LINGO2: variants seen among roughly 807,000 people sequenced by gnomAD.
The protein encoded by LINGO2 is leucine rich repeat and Ig domain containing 2.
A neutral mutation model predicts 30.6 loss-of-function variants in LINGO2; 14 were observed. The observed-to-expected ratio is 0.46, with a 90% CI of 0.30 to 0.72. The LOEUF (loss-of-function observed/expected upper bound fraction) is 0.72. Ranked by LOEUF, LINGO2 falls within the 30% of genes least tolerant of loss-of-function variation. The pLI, the probability that LINGO2 is intolerant of heterozygous loss-of-function variation, is 0.07. For synonymous variants in LINGO2, 317 were observed against 288.5 expected (o/e 1.10, Z -1.00); for missense variants, 729 against 751.7 (o/e 0.97, Z 0.35).
At chr9:28,304,481 A>G (rs1300962513) in intron 3 of LINGO2, among the ~76,000 whole-genome samples, 3 of 151,928 alleles carry the variant, frequency 2.0e-5, no homozygotes, top group Non-Finnish European at 4.4e-5. Context: ...TATATCCCTG[A>G]AACCAACACT....
chr9:28,505,721 C>T (rs1210210913), intron 1 of LINGO2, among the ~76,000 whole-genome samples: 1 of 151,876 alleles, frequency 6.6e-6, no homozygotes, highest in Non-Finnish European at 1.5e-5. Flanking sequence ...GCATAACCTG[C>T]ATTTGTAAAC....
chr9:28,741,157 A>G, the LINGO2 span, among the ~76,000 whole-genome samples: 1 of 152,008 alleles, frequency 6.6e-6, no homozygotes, highest in Admixed American at 6.6e-5. Flanking sequence ...CCTAGAACTC[A>G]GGTCCACTGA....
intron 4 of LINGO2, among the ~76,000 whole-genome samples, chr9:28,222,794 ATTC>A (rs2133902293): frequency 6.6e-6 from 1 of 152,310 alleles, no homozygotes; most frequent in Non-Finnish European, 1.5e-5. Flanking sequence ...ACAGCTTTAT[ATTC>A]AAGTCATGCC....
At chr9:28,053,951 G>A (rs1824797182) in intron 4 of LINGO2, among the ~76,000 whole-genome samples, 1 of 151,972 alleles carries the variant, frequency 6.6e-6, no homozygotes, top group Admixed American at 6.6e-5. Flanking sequence ...GGGGTAAAAA[G>A]GAAGGCCAAG....
At chr9:28,988,915 T>A in the LINGO2 span, among the ~76,000 whole-genome samples, 2 of 152,236 alleles carry the variant, frequency 1.3e-5, no homozygotes, top group Non-Finnish European at 2.9e-5. Context: ...TTTTCAAAAC[T>A]ATGTTCTGGT....
At chr9:28,845,912 T>G in the LINGO2 span, among the ~76,000 whole-genome samples, 2 of 151,646 alleles carry the variant, frequency 1.3e-5, no homozygotes, top group African/African-American at 2.4e-5. Context: ...CCCATTGGTG[T>G]TCTCTAATTA....
At chr9:28,426,533 C>T (rs1823420223) in intron 2 of LINGO2, among the ~76,000 whole-genome samples, 1 of 152,038 alleles carries the variant, frequency 6.6e-6, no homozygotes, top group Non-Finnish European at 1.5e-5. Context: ...GCAATCAAAA[C>T]ATTGTTTGTT....
intron 4 of LINGO2, among the ~76,000 whole-genome samples, chr9:28,022,115 T>A (rs1404514988): frequency 6.6e-6 from 1 of 152,072 alleles, no homozygotes; most frequent in Non-Finnish European, 1.5e-5. Flanking sequence ...GGAATATCAG[T>A]TATACCTTAT....
At chr9:28,768,045 T>C in the LINGO2 span, among the ~76,000 whole-genome samples, 1 of 152,204 alleles carries the variant, frequency 6.6e-6, no homozygotes, top group South Asian at 2.1e-4. Flanking sequence ...GAAATAGTGG[T>C]ATTTTAATTG....
chr9:28,771,713 G>A, the LINGO2 span, among the ~76,000 whole-genome samples: 1 of 152,044 alleles, frequency 6.6e-6, no homozygotes, highest in Non-Finnish European at 1.5e-5. Flanking sequence ...CATTTAAAGT[G>A]ATGAGCAGCA....
At chr9:28,572,398 G>A (rs746816732) in intron 1 of LINGO2, among the ~76,000 whole-genome samples, 1 of 152,018 alleles carries the variant, frequency 6.6e-6, no homozygotes, top group Admixed American at 6.6e-5. Flanking sequence ...CATGTACAAA[G>A]TTACTCTTCC....
At chr9:28,285,398 ATTT>A (rs34034595) in intron 4 of LINGO2, among the ~76,000 whole-genome samples, 16 of 76,158 alleles carry the variant, frequency 2.1e-4, no homozygotes, top group African/African-American at 7.9e-4. Context: ...GCCCAAGATC[ATTT>A]TTTTTTTTTT....
chr9:28,057,424 A>C (rs184037231), intron 4 of LINGO2, among the ~76,000 whole-genome samples: 2 of 151,906 alleles, frequency 1.3e-5, no homozygotes, highest in African/African-American at 4.8e-5. Context: ...TTTGAGGATT[A>C]GTGTTCTATG....
chr9:28,647,424 C>A (rs2135957615), intron 1 of LINGO2, among the ~76,000 whole-genome samples: 1 of 152,108 alleles, frequency 6.6e-6, no homozygotes, highest in African/African-American at 2.4e-5. Flanking sequence ...ATTCGGTGAG[C>A]TTTTGTGAGT....
chr9:28,206,315 A>G (rs568585706), intron 4 of LINGO2, among the ~76,000 whole-genome samples: 2 of 152,258 alleles, frequency 1.3e-5, no homozygotes, highest in African/African-American at 2.4e-5. Flanking sequence ...ACATTTTCTT[A>G]GCACTCATCT....
chr9:27,971,005 T>G (rs1820326246), intron 5 of LINGO2, among the ~76,000 whole-genome samples: 1 of 151,582 alleles, frequency 6.6e-6, no homozygotes, highest in Non-Finnish European at 1.5e-5. Flanking sequence ...TCTATTTGTT[T>G]TGATACTTAA....
chr9:28,243,991 A>G (rs1375541893), intron 4 of LINGO2, among the ~76,000 whole-genome samples: 1 of 152,230 alleles, frequency 6.6e-6, no homozygotes, highest in African/African-American at 2.4e-5. Context: ...AAATATCTAT[A>G]GAACTCTCTA....
chr9:29,113,797 G>C, the LINGO2 span, among the ~76,000 whole-genome samples: 4 of 152,164 alleles, frequency 2.6e-5, no homozygotes, highest in Non-Finnish European at 4.4e-5. Flanking sequence ...TTCCCAAGCA[G>C]TGGTAGTGGT....
chr9:28,890,225 G>A, the LINGO2 span, among the ~76,000 whole-genome samples: 1 of 150,084 alleles, frequency 6.7e-6, no homozygotes, highest in East Asian at 2.0e-4. Context: ...GTTTTGTTTT[G>A]TTTTTGTGGG....
Sources: gnomAD v4.1 joint callset for allele counts (sites outside exome capture counted in the v4.1 genomes callset) on GRCh38, gnomAD v4.1.1 for gene constraint, MANE v1.5 for transcripts, NCBI Gene and HGNC (gene_info 2026-07-23, HGNC 2026-07-21) for gene names.